PTPN21: variants seen among roughly 807,000 people sequenced by gnomAD.
PTPN21 encodes tyrosine-protein phosphatase non-receptor type 21.
PTPN21 carries 77 observed loss-of-function variants against 131.8 expected under a neutral mutation model. The observed-to-expected ratio is 0.58, with a 90% CI of 0.49 to 0.71. The LOEUF (loss-of-function observed/expected upper bound fraction) is 0.71. Among genes scored for constraint, PTPN21 ranks in the 30% least tolerant of loss-of-function variants. The pLI, the probability that PTPN21 is intolerant of heterozygous loss-of-function variation, is 0.00. For synonymous variants in PTPN21, 715 were observed against 621.3 expected, an observed-to-expected ratio of 1.15 and a Z score of -2.24; for missense variants, 1,552 against 1,527.1, an observed-to-expected ratio of 1.02 and a Z score of -0.27.
chr14:88,501,447 T>C, intron 6 of PTPN21, 79 bp from the exon 7 acceptor site: 1 of 1,199,368 alleles, frequency 8.3e-7, no homozygotes, highest in Non-Finnish European at 1.2e-6. Flanking sequence ...AAAACCTATA[T>C]GTCAATTTAG....
rs1249539034 is a variant in PTPN21, at chr14:88,472,257, G to A, written c.2858C>T (p.Ala953Val). The change falls in exon 15 of 19, where the codon GCA becomes GTA. Residue 953 changes from alanine (A) to valine (V), a missense_variant. Ala to Val is a moderately conservative substitution (Grantham distance 64, BLOSUM62 0). This residue lies in a region of PTPN21 where 316 missense variants were observed against 378.5 expected (regional missense o/e 0.83). Transcript: ENST00000556564. ...CGTTCCTCTCACCTTAATATGTGAT[G>A]CGTTGATGTAACCAGTGTTGTTTTC... is the stretch of plus-strand genomic sequence containing the variant. ...TKENNTGYIN[A>V]SHIKVSVSGI... The A allele has an allele frequency of 6.2e-7, 1 of 1,607,130 alleles. No individual in the cohort carries two copies. Among genetic ancestry groups the A allele is most frequent in the Non-Finnish European group, 8.5e-7 (1 of 1,173,728 alleles).
intron 8 of PTPN21, among the ~76,000 whole-genome samples, chr14:88,497,531 A>C (rs966921118): frequency 2.0e-5 from 3 of 152,060 alleles, no homozygotes. Flanking sequence ...GCACTTTGGG[A>C]GGCCAAGGTG....
intron 2 of PTPN21, among the ~76,000 whole-genome samples, chr14:88,541,715 C>T (rs1461167146): frequency 1.3e-5 from 2 of 151,922 alleles, no homozygotes; most frequent in African/African-American, 2.4e-5. Flanking sequence ...AAGATGAAGG[C>T]CAAAGAAAAA....
intron 8 of PTPN21, among the ~76,000 whole-genome samples, chr14:88,498,641 C>T (rs1249362496): frequency 6.6e-6 from 1 of 152,126 alleles, no homozygotes; most frequent in Non-Finnish European, 1.5e-5. Flanking sequence ...CAGAAGCAAA[C>T]AAGAACTTTT....
rs1250991575 is a variant in PTPN21 at position 88,466,697 on chromosome 14, G to GGCTC, written c.*1436_*1439dup. On this transcript the variant is annotated 3_prime_UTR_variant, in exon 19 of 19. Coordinates refer to ENST00000556564, the MANE Select transcript of PTPN21 (RefSeq NM_007039.4). The stretch of plus-strand genomic sequence containing the variant: ...ACACTCTCCCCCTGTAACTCAGCCT[G>GGCTC]GCTCTGTCTATTGGGATGTGCCTAA... 1 of 152,194 alleles carries GGCTC rather than the reference G, an allele frequency of 6.6e-6. No individual in the cohort carries two copies. Among genetic ancestry groups the GGCTC allele is most frequent in the Non-Finnish European group, 1.5e-5 (1 of 68,050 alleles). 9.4% of individuals were successfully genotyped at this position (152,194 alleles called of 1,614,324 possible).
chr14:88,485,293 C>T, intron 11 of PTPN21, 133 bp from the exon 12 acceptor site: 1 of 523,482 alleles, frequency 1.9e-6, no homozygotes, highest in Non-Finnish European at 3.3e-6. Context: ...GGAAAATAAA[C>T]ATGAAGACAC....
At chr14:88,549,972 C>T (rs541630789) in intron 2 of PTPN21, among the ~76,000 whole-genome samples, 8 of 152,006 alleles carry the variant, frequency 5.3e-5, no homozygotes, top group Non-Finnish European at 1.2e-4. Context: ...TTTTAGTAGA[C>T]ATGGGGTTTC....
intron 3 of PTPN21, chr14:88,514,020 G>A (rs2078224866): frequency 6.6e-6 from 1 of 152,212 alleles, no homozygotes; most frequent in African/African-American, 2.4e-5. Flanking sequence ...AGAGCTTCAA[G>A]TCATTTTCCT....
intron 2 of PTPN21, among the ~76,000 whole-genome samples, chr14:88,540,578 C>T (rs745941722): frequency 6.6e-5 from 10 of 152,210 alleles, no homozygotes; most frequent in Admixed American, 2.0e-4. Flanking sequence ...GTTCAATGTG[C>T]TGAAAATTCA....
chr14:88,529,729 C>T (rs1308651582), intron 2 of PTPN21, among the ~76,000 whole-genome samples: 1 of 152,098 alleles, frequency 6.6e-6, no homozygotes, highest in Non-Finnish European at 1.5e-5. Flanking sequence ...CTCCTGTAAT[C>T]CCAGCACTTT....
intron 1 of PTPN21, 60 bp from the exon 2 acceptor site, chr14:88,550,679 A>G: frequency 3.0e-6 from 1 of 337,120 alleles, no homozygotes; most frequent in Non-Finnish European, 5.4e-6. Flanking sequence ...GCTTGTATAA[A>G]GAAAAGCCAG....
chr14:88,552,689 C>A (rs2078884734), intron 1 of PTPN21, among the ~76,000 whole-genome samples: 1 of 152,156 alleles, frequency 6.6e-6, no homozygotes, highest in Non-Finnish European at 1.5e-5. Context: ...AAGCACCATA[C>A]TATGGAGGGA....
At chr14:88,509,811 G>A (rs898803385) in intron 3 of PTPN21, among the ~76,000 whole-genome samples, 1 of 152,188 alleles carries the variant, frequency 6.6e-6, no homozygotes, top group Non-Finnish European at 1.5e-5. Context: ...CAAGGCGGGC[G>A]GATCACTTGA....
chr14:88,528,333 T>C (rs914733043), intron 2 of PTPN21, among the ~76,000 whole-genome samples: 4 of 152,190 alleles, frequency 2.6e-5, no homozygotes, highest in Non-Finnish European at 4.4e-5. Flanking sequence ...TTCAGCAGTG[T>C]TTTGTAGTTT....
intron 11 of PTPN21, 129 bp downstream of exon 11, chr14:88,485,653 G>T: frequency 1.7e-6 from 1 of 575,544 alleles, no homozygotes. Context: ...CCATTTCTTT[G>T]GTTAAAAATG....
At position 88,505,350 on chromosome 14, in the gene PTPN21, T is replaced by C. The variant is rs1411247502; in HGVS notation, c.470A>G (p.Gln157Arg). The change falls in exon 5 of 19, where the codon CAG (glutamine) becomes CGG (arginine). Residue 157 changes from glutamine to arginine, a missense_variant. By Grantham distance (43) the Gln-to-Arg change is conservative. Around this residue, in one of 4 missense-constraint regions of PTPN21, gnomAD observed 206 missense variants for 221.6 expected, o/e 0.93. Transcript: ENST00000556564. Reference sequence around the variant, plus strand: ...CTGAAGAAAGTCCTGGGATTCATACTGATCAAAGTCACCAAAATCCGCTAT... The same window carrying C: ...CTGAAGAAAGTCCTGGGATTCATACCGATCAAAGTCACCAAAATCCGCTAT... The part of the protein sequence containing the change: ...AVQADFGDFD[Q>R]YESQDFLQKF... 3.7e-6 allele frequency: 6 copies of C among 1,607,972 alleles called. No individual in the cohort carries two copies. In the East Asian group the frequency reaches 8.9e-5, roughly 24 times the overall value.
intron 3 of PTPN21, 38 bp downstream of exon 3, chr14:88,517,054 G>C (rs750408053): frequency 8.0e-5 from 129 of 1,605,942 alleles, no homozygotes; most frequent in Non-Finnish European, 1.1e-4. Flanking sequence ...CATCTCACTA[G>C]ACTATTTCCT....
intron 13 of PTPN21, among the ~76,000 whole-genome samples, chr14:88,474,318 T>A (rs1196096398): frequency 6.6e-6 from 1 of 151,764 alleles, no homozygotes; most frequent in Non-Finnish European, 1.5e-5. Context: ...ACCTCCCGAG[T>A]ACCTGGGACT....
At chr14:88,528,148 T>C (rs1023471993) in intron 2 of PTPN21, among the ~76,000 whole-genome samples, 7 of 152,296 alleles carry the variant, frequency 4.6e-5, no homozygotes, top group Middle Eastern at 3.4e-3. Context: ...TTTGGTTCCA[T>C]GTAAGTTTTA....
Sources: allele counts gnomAD v4.1 joint callset (sites outside exome capture counted in the v4.1 genomes callset), GRCh38; gene constraint gnomAD v4.1.1; regional missense constraint gnomAD v4.1.1; transcripts MANE v1.5; gene names NCBI Gene and HGNC (gene_info 2026-07-23, HGNC 2026-07-21).